CDH15: variants seen among roughly 807,000 people sequenced by gnomAD.
CDH15 encodes cadherin 15.
In CDH15, 73 loss-of-function variants were observed where a neutral mutation model predicts 69.4. That is an observed-to-expected ratio of 1.05 (90% CI 0.87 to 1.28). CDH15 has a LOEUF of 1.28. Among genes scored for constraint, CDH15 ranks in the 50% most tolerant of loss-of-function variants. The pLI is 0.00. For missense variants in CDH15, 1,343 were observed against 1,133.6 expected (o/e 1.18, Z -2.65); for synonymous variants, 624 against 507.7 (o/e 1.23, Z -3.08).
At chr16:89,174,704 G>A (rs564310341) in intron 1 of CDH15, among the ~76,000 whole-genome samples, 5 of 152,274 alleles carry the variant, frequency 3.3e-5, no homozygotes, top group African/African-American at 9.6e-5. Flanking sequence ...GGGTCCAGTC[G>A]AGGATGAGCT....
At chr16:89,178,712 G>A (rs936747982) in intron 1 of CDH15, among the ~76,000 whole-genome samples, 8 of 152,246 alleles carry the variant, frequency 5.3e-5, no homozygotes, top group Non-Finnish European at 7.3e-5. Context: ...CCAGTTGGGG[G>A]CCGCTGTATG....
In CDH15 at chr16:89,180,370, G is replaced by A. The variant is rs1915350050; in HGVS notation, c.357+15G>A. On this transcript the variant is annotated intron_variant, in intron 3 of 13. Coordinates refer to ENST00000289746, the MANE Select transcript of CDH15 (RefSeq NM_004933.3). ...ATCGCTTCAGGGTGCGGAGCTGCGTGGTCGGACCTGTGCCCCTCAAGCAGG... is the reference window on the plus strand; with the variant it reads ...ATCGCTTCAGGGTGCGGAGCTGCGTAGTCGGACCTGTGCCCCTCAAGCAGG... 1.2e-6 allele frequency: 2 copies of A among 1,608,514 alleles called. No homozygotes were observed. The highest frequency in any genetic ancestry group is 1.3e-5 in the African/African-American group (1 of 74,830).
chr16:89,194,005 C>G (rs995491577), intron 13 of CDH15, 92 bp downstream of exon 13: 1 of 1,407,362 alleles, frequency 7.1e-7, no homozygotes, highest in East Asian at 2.4e-5. Context: ...CATGCAAGAA[C>G]CGGCGCCTGC....
At chr16:89,179,661 C>A in intron 2 of CDH15, 87 bp downstream of exon 2, 1 of 1,374,036 alleles carries the variant, frequency 7.3e-7, no homozygotes, top group Non-Finnish European at 9.9e-7. Flanking sequence ...CTCCTGGGAG[C>A]CAGCGGGGCC....
chr16:89,188,174 A>G lies in CDH15; in HGVS notation c.867A>G (p.Pro289=). The part of the protein sequence containing the change: ...GRLEVEDRDL[P]GSPNWVARFT... ...TGGAAGTGGAGGACAGGGACCTGCC[A>G]GGCTCCCCAAACTGGGTGGCCAGGT... The change falls in exon 7 of 14, where the codon CCA becomes CCG. Residue 289 remains proline, a synonymous_variant. Coordinates refer to ENST00000289746, the MANE Select transcript of CDH15 (RefSeq NM_004933.3). The G allele has an allele frequency of 6.2e-7, 1 of 1,613,354 alleles. No homozygotes were observed.
rs143080711 is a variant in CDH15, at chr16:89,175,291, G to T, written c.42+3418G>T. Among the ~76,000 whole-genome samples the T allele has an allele frequency of 3.0e-3, 451 of 152,350 alleles. 1 individual carries two copies. Among genetic ancestry groups the T allele is most frequent in the Middle Eastern group, 6.8e-3 (2 of 294 alleles). ...AGGGGATGGAAACGTCTGCCCGGGT[G>T]GGGGTGGCCCCTCCACCTCAGCCGT... On this transcript the variant is annotated intron_variant, in intron 1 of 13. Transcript: ENST00000289746.
At chr16:89,187,214 G>A (rs1429961301) in intron 5 of CDH15, among the ~76,000 whole-genome samples, 2 of 152,280 alleles carry the variant, frequency 1.3e-5, no homozygotes, top group Non-Finnish European at 2.9e-5. Context: ...TAGGTGTTCT[G>A]TAAATGCTTA....
chr16:89,186,677 C>T lies in CDH15; in HGVS notation c.664-752C>T, dbSNP rs137985452. 1.3e-3 allele frequency among the ~76,000 whole-genome samples: 185 copies of T among 141,960 alleles called. 4 individuals are homozygous for T. In the South Asian group the frequency reaches 0.028, roughly 21 times the overall value. 93.1% of individuals were successfully genotyped at this position (141,960 alleles called of 152,430 possible). ...AGGTGCTCTGTAAACGCTCACCCAG[C>T]GCACAGTAGGTGCTCTGTGAACACC... On this transcript the variant is annotated intron_variant, in intron 5 of 13. Transcript: ENST00000289746.
intron 7 of CDH15, among the ~76,000 whole-genome samples, chr16:89,189,169 ACACACAGATGCCGG>A (rs1372768098): frequency 9.0e-6 from 1 of 110,554 alleles, no homozygotes; most frequent in African/African-American, 3.0e-5. Context: ...ACAGATGCCC[ACACACAGATGCCGG>A]CACACACAGA....
chr16:89,184,234 C>T (rs967738637), intron 4 of CDH15, among the ~76,000 whole-genome samples: 1 of 152,192 alleles, frequency 6.6e-6, no homozygotes, highest in African/African-American at 2.4e-5. Context: ...GTTTCCTTCC[C>T]GTGTCTGTGG....
intron 10 of CDH15, 57 bp from the exon 11 acceptor site, chr16:89,192,148 C>A: frequency 6.8e-7 from 1 of 1,478,176 alleles, no homozygotes; most frequent in Non-Finnish European, 8.9e-7. Flanking sequence ...GCGAGGAGGG[C>A]AGGCGAAGTG....
At chr16:89,172,328 AC>A (rs1388770099) in intron 1 of CDH15, among the ~76,000 whole-genome samples, 1 of 151,324 alleles carries the variant, frequency 6.6e-6, no homozygotes, top group Non-Finnish European at 1.5e-5. Flanking sequence ...TTTTGTCCAA[AC>A]CCCCCACCCC....
intron 1 of CDH15, 52 bp from the exon 2 acceptor site, chr16:89,179,364 C>A: frequency 1.2e-6 from 2 of 1,606,882 alleles, no homozygotes; most frequent in Non-Finnish European, 8.5e-7. Context: ...TGCACGCTGC[C>A]GCCCAGGGCT....
Position 89,195,211 on chromosome 16 carries a change from G to A in CDH15, c.*56G>A, listed in dbSNP as rs1915777015. ...CGGCCTCGTGGCAGTGATGGCCCCT[G>A]CAGAGGCAGCCTGAGGTCACCGGGC... On this transcript the variant is annotated 3_prime_UTR_variant, in exon 14 of 14. Coordinates refer to ENST00000289746, the MANE Select transcript of CDH15 (RefSeq NM_004933.3). 2.7e-6 allele frequency: 4 copies of A among 1,491,926 alleles called. No homozygotes were observed. The highest frequency in any genetic ancestry group is 3.6e-6 in the Non-Finnish European group (4 of 1,122,128). The allele number at this position is 1,491,926 out of a possible 1,614,324, so 92.4% of individuals were successfully genotyped here. A position where few individuals can be genotyped will look rare whatever the true frequency, so the allele number is the denominator to read the frequency against.
At chr16:89,177,017 G>A (rs2151598042) in intron 1 of CDH15, among the ~76,000 whole-genome samples, 1 of 152,252 alleles carries the variant, frequency 6.6e-6, no homozygotes, top group Non-Finnish European at 1.5e-5. Flanking sequence ...CCCCGTCTCT[G>A]CGTTAGGGTC....
At position 89,195,095 on chromosome 16, in the gene CDH15, G is replaced by C. The variant is rs377237809; in HGVS notation, c.2385G>C (p.Gln795His). Residue 795 changes from glutamine (Q) to histidine (H), a missense_variant, in exon 14 of 14, where the codon CAG (glutamine) becomes CAC (histidine). By Grantham distance (24) the Gln-to-His change is conservative. Transcript: ENST00000289746. ...GLEYGARWDHQAREGLSPGAL... is the reference protein window; with the variant it reads ...GLEYGARWDHHAREGLSPGAL... ...AGTACGGGGCCAGATGGGACCACCA[G>C]GCCAGGGAGGGTCTTTCTCCTGGGG... 2.3e-5 allele frequency: 37 copies of C among 1,610,132 alleles called. No homozygotes were observed. The African/African-American group carries it at 4.9e-4, about 21-fold the overall frequency.
intron 1 of CDH15, among the ~76,000 whole-genome samples, chr16:89,175,188 G>C (rs932469002): frequency 6.6e-5 from 10 of 152,230 alleles, no homozygotes; most frequent in Non-Finnish European, 8.8e-5. Context: ...GGCCCAGCGT[G>C]ACTGGAGGGT....
chr16:89,195,423 C>T lies in CDH15; in HGVS notation c.*268C>T. 1 of 514,756 alleles carries T rather than the reference C, an allele frequency of 1.9e-6. No individual in the cohort carries two copies. 31.9% of individuals were successfully genotyped at this position (514,756 alleles called of 1,614,324 possible). On this transcript the variant is annotated 3_prime_UTR_variant, in exon 14 of 14. Transcript: ENST00000289746. ...ACCTTTGCCTCCTACCAGTGAACCT[C>T]ATCTTTGTATGAAAGACAGCAACCT...
rs762374160 is a variant in CDH15 at position 89,193,836 on chromosome 16, C to A, written c.2074C>A (p.Pro692Thr). 6 of 1,610,808 alleles carry A rather than the reference C, an allele frequency of 3.7e-6. No homozygotes were observed. In the East Asian group the frequency reaches 1.1e-4, roughly 30 times the overall value. Residue 692 changes from proline to threonine, a missense_variant, in exon 13 of 14, where the codon CCG (proline) becomes ACG (threonine). Transcript: ENST00000289746. ...ACCGCCGCCACTTCGCAGAGATGCC[C>A]CGCAGGGCCGCCTGCACCCCCAGCC... Reference protein sequence around the residue: ...LGPPPLRRDAPQGRLHPQPPR... With the variant: ...LGPPPLRRDATQGRLHPQPPR...
Sources: gnomAD v4.1 joint callset for allele counts (sites outside exome capture counted in the v4.1 genomes callset) on GRCh38, gnomAD v4.1.1 for gene constraint, MANE v1.5 for transcripts, NCBI Gene and HGNC (gene_info 2026-07-23, HGNC 2026-07-21) for gene names.